USP28: variants seen among roughly 807,000 people sequenced by gnomAD.
USP28 encodes ubiquitin carboxyl-terminal hydrolase 28.
A neutral mutation model predicts 145.0 loss-of-function variants in USP28; 113 were observed. The observed-to-expected ratio is 0.78, with a 90% CI of 0.67 to 0.91. The LOEUF is 0.91. Ranked by LOEUF, USP28 falls within the 40% of genes least tolerant of loss-of-function variation. The probability of loss-of-function intolerance (pLI) is 0.00; values close to 1 mark genes in which losing one functional copy is unlikely to be tolerated. For missense variants in USP28, 1,201 were observed against 1,289.6 expected, an observed-to-expected ratio of 0.93 and a Z score of 1.05; for synonymous variants, 447 against 450.9, an observed-to-expected ratio of 0.99 and a Z score of 0.11.
At position 113,803,810 on chromosome 11, in the gene USP28, T is replaced by TA. The variant is rs1939468664; in HGVS notation, c.2725dup (p.Tyr909LeufsTer57). The TA allele has an allele frequency of 6.2e-7, 1 of 1,613,508 alleles. No homozygotes were observed. Among genetic ancestry groups the TA allele is most frequent in the Non-Finnish European group, 8.5e-7 (1 of 1,179,716 alleles). On this transcript the variant is annotated frameshift_variant, in exon 22 of 25. Transcript: ENST00000003302. LOFTEE classifies it high-confidence loss of function. ...AAGGCCAACATACTTTCCTTTTTGA[T>TA]AGAGTTCTAGGCCTGTTAGGAGATA...
At chr11:113,805,929 CTTTT>C (rs927739247) in intron 19 of USP28, among the ~76,000 whole-genome samples, 3 of 151,362 alleles carry the variant, frequency 2.0e-5, no homozygotes, top group African/African-American at 7.3e-5. Flanking sequence ...TCACAGAAGA[CTTTT>C]TTTTTATTTT....
At chr11:113,799,528 G>T in intron 24 of USP28, 113 bp from the exon 26 acceptor site, 1 of 1,201,556 alleles carries the variant, frequency 8.3e-7, no homozygotes, top group Non-Finnish European at 1.1e-6. Flanking sequence ...CATTATGCTG[G>T]CCAGTTACTA....
chr11:113,838,308 T>C (rs1440599425), intron 5 of USP28, among the ~76,000 whole-genome samples: 1 of 152,232 alleles, frequency 6.6e-6, no homozygotes, highest in Non-Finnish European at 1.5e-5. Flanking sequence ...TATCTTCCTA[T>C]GTTCTATTCT....
intron 1 of USP28, among the ~76,000 whole-genome samples, chr11:113,868,843 G>A (rs1464837776): frequency 2.6e-5 from 4 of 151,152 alleles, no homozygotes; most frequent in Non-Finnish European, 5.9e-5. Context: ...GAATTGCTTG[G>A]GCCCAGGAGG....
intron 9 of USP28, among the ~76,000 whole-genome samples, 177 bp downstream of exon 9, chr11:113,830,690 G>A (rs1378635962): frequency 6.6e-6 from 1 of 152,140 alleles, no homozygotes; most frequent in African/African-American, 2.4e-5. Context: ...AGAGACTGAG[G>A]ATCCAGAAGC....
At chr11:113,799,920 A>G (rs1358277103) in intron 24 of USP28, among the ~76,000 whole-genome samples, 1 of 152,220 alleles carries the variant, frequency 6.6e-6, no homozygotes, top group East Asian at 1.9e-4. Context: ...AAAACTGAAG[A>G]CAGTAAAGGG....
chr11:113,819,044 C>T (rs1382606163), intron 12 of USP28, among the ~76,000 whole-genome samples: 1 of 151,432 alleles, frequency 6.6e-6, no homozygotes, highest in African/African-American at 2.4e-5. Context: ...CTATACTATA[C>T]ACAAGAAATT....
chr11:113,817,594 G>A (rs1941926405), intron 13 of USP28, 64 bp downstream of exon 13: 1 of 1,541,438 alleles, frequency 6.5e-7, no homozygotes, highest in Non-Finnish European at 8.8e-7. Flanking sequence ...TACAAAGATG[G>A]TGCATAGTTT....
intron 1 of USP28, among the ~76,000 whole-genome samples, chr11:113,871,453 C>T (rs77468677): frequency 0.01 from 1,543 of 152,228 alleles, 34 homozygotes; most frequent in African/African-American, 0.036. Context: ...TTTAGAGGGG[C>T]TTACTCCTGT....
At chr11:113,853,787 G>C (rs1269316341) in intron 2 of USP28, among the ~76,000 whole-genome samples, 3 of 150,238 alleles carry the variant, frequency 2.0e-5, no homozygotes, top group Admixed American at 1.4e-4. Flanking sequence ...ACTGAGGTGG[G>C]AGAACAGCTT....
At chr11:113,828,891 G>C (rs1204964490) in intron 10 of USP28, 8 of 542,152 alleles carry the variant, frequency 1.5e-5, no homozygotes, top group African/African-American at 1.1e-4. Context: ...TATGGAGGCA[G>C]TGGGTTCTCC....
chr11:113,816,487 T>TG (rs1299754115), intron 13 of USP28, among the ~76,000 whole-genome samples: 1 of 152,046 alleles, frequency 6.6e-6, no homozygotes, highest in Non-Finnish European at 1.5e-5. Flanking sequence ...TACTCCAGCC[T>TG]GGCGACAGAG....
intron 12 of USP28, chr11:113,821,237 GCAGTCCA>G (rs552708322): frequency 3.6e-5 from 8 of 223,204 alleles, no homozygotes; most frequent in Non-Finnish European, 7.0e-5. Flanking sequence ...ACCTGGTCTG[GCAGTCCA>G]CAGTGTGGCC....
chr11:113,854,437 G>T (rs1946819540), intron 1 of USP28, 102 bp from the exon 2 acceptor site: 2 of 1,099,578 alleles, frequency 1.8e-6, no homozygotes, highest in Admixed American at 2.1e-5. Flanking sequence ...CAGGCCTGAG[G>T]CTTGCCCAGG....
At chr11:113,825,739 G>C (rs913870032) in intron 11 of USP28, among the ~76,000 whole-genome samples, 13 of 152,146 alleles carry the variant, frequency 8.5e-5, no homozygotes, top group Non-Finnish European at 1.2e-4. Flanking sequence ...AACCAGAACA[G>C]GGTACCTACT....
At chr11:113,820,434 T>C (rs188670631) in intron 12 of USP28, 1 of 151,712 alleles carries the variant, frequency 6.6e-6, no homozygotes, top group Admixed American at 6.6e-5. Flanking sequence ...CTTCTGAGAG[T>C]GAAAGAAGGT....
At chr11:113,827,385 G>C in intron 10 of USP28, 25 bp from the exon 11 acceptor site, 1 of 1,549,296 alleles carries the variant, frequency 6.5e-7, no homozygotes, top group South Asian at 1.2e-5. Flanking sequence ...AGAAATGTGA[G>C]AGAAAGAAAA....
At chr11:113,832,631 GAAC>G (rs1591314696) in intron 7 of USP28, among the ~76,000 whole-genome samples, 1 of 151,934 alleles carries the variant, frequency 6.6e-6, no homozygotes, top group African/African-American at 2.4e-5. Context: ...AGGAACTCTA[GAAC>G]AATACAGAGA....
At chr11:113,873,338 C>A (rs1175217352) in intron 1 of USP28, among the ~76,000 whole-genome samples, 1 of 152,180 alleles carries the variant, frequency 6.6e-6, no homozygotes, top group Non-Finnish European at 1.5e-5. Context: ...TAGGGCAAAT[C>A]ACTGGGAAGA....
Sources: allele counts gnomAD v4.1 joint callset (sites outside exome capture counted in the v4.1 genomes callset), GRCh38; gene constraint gnomAD v4.1.1; transcripts MANE v1.5; gene names NCBI Gene and HGNC (gene_info 2026-07-23, HGNC 2026-07-21).